The following MEIOSIN variants were observed in gnomAD, a reference collection of about 807,000 sequenced individuals.
The protein encoded by MEIOSIN is meiosis initiator protein.
A neutral mutation model predicts 23.4 loss-of-function variants in MEIOSIN; 18 were observed. The observed-to-expected ratio is 0.77, with a 90% confidence interval of 0.53 to 1.14. The LOEUF (loss-of-function observed/expected upper bound fraction) is 1.14. MEIOSIN is among the 50% of genes most tolerant of loss of function. The probability of loss-of-function intolerance (pLI) is 0.00; values close to 1 mark genes in which losing one functional copy is unlikely to be tolerated. For missense variants in MEIOSIN, 428 were observed against 242.9 expected, an observed-to-expected ratio of 1.76 and a Z score of -5.07; for synonymous variants, 187 against 100.6, an observed-to-expected ratio of 1.86 and a Z score of -5.14.
intron 2 of MEIOSIN, among the ~76,000 whole-genome samples, chr19:45,736,101 G>A (rs758742175): frequency 2.2e-4 from 33 of 151,982 alleles, no homozygotes; most frequent in South Asian, 4.1e-4. Context: ...TGCAGTGGTG[G>A]CATCATAGCT....
In MEIOSIN at chr19:45,739,694, G is replaced by A. The variant is rs1015437558; in HGVS notation, c.140G>A (p.Arg47Lys). Residue 47 changes from arginine to lysine, a missense_variant, in exon 3 of 15, where the codon AGA becomes AAA. Physicochemically the swap from Arg to Lys is conservative, Grantham distance 26 (BLOSUM62 2). Transcript: ENST00000457052. ...KVNPSEPHGL[R>K]MEEKWLLKGK... is the part of the protein sequence containing the mutation. ...AACCCCTCCGAACCACATGGACTGA[G>A]AATGGAGGAGAAATGGTTGCTCAAA... The A allele has an allele frequency of 7.1e-6, 5 of 703,584 alleles. No individual in the cohort carries two copies. In the South Asian group the frequency reaches 7.4e-5, roughly 10 times the overall value. 43.6% of individuals were successfully genotyped at this position (703,584 alleles called of 1,614,324 possible).
chr19:45,759,602 C>T, intron 11 of MEIOSIN, 112 bp downstream of exon 11: 1 of 654,220 alleles, frequency 1.5e-6, no homozygotes. Flanking sequence ...CACCATCTAC[C>T]CATCTGTCCT....
chr19:45,748,100 C>T (rs899659445), intron 4 of MEIOSIN, among the ~76,000 whole-genome samples: 44 of 149,500 alleles, frequency 2.9e-4, no homozygotes, highest in Admixed American at 1.7e-3. Context: ...TTTTTTGAGA[C>T]GGAGTCCCGC....
At chr19:45,754,344 T>C (rs548894008) in intron 6 of MEIOSIN, 135 bp from the exon 7 acceptor site, 2 of 600,650 alleles carry the variant, frequency 3.3e-6, no homozygotes, top group African/African-American at 1.9e-5. Context: ...GGCCTGTGAT[T>C]GAGGATCTGG....
At chr19:45,740,318 A>T (rs1968480023) in intron 3 of MEIOSIN, among the ~76,000 whole-genome samples, 1 of 152,226 alleles carries the variant, frequency 6.6e-6, no homozygotes, top group Admixed American at 6.5e-5. Context: ...CAGCAAGCGG[A>T]GGAACTAGGA....
At position 45,745,047 on chromosome 19, in the gene MEIOSIN, C is replaced by T. The variant is rs1186643555; in HGVS notation, c.177-145C>T. 7.9e-6 allele frequency: 5 copies of T among 631,082 alleles called. No homozygotes were observed. In the East Asian group the frequency reaches 1.4e-4, roughly 17 times the overall value. 39.1% of individuals were successfully genotyped at this position (631,082 alleles called of 1,614,324 possible). On this transcript the variant is annotated intron_variant, in intron 3 of 14. Transcript: ENST00000457052. ...AAGGGCTAAGGGAAAGTAACAAGTA[C>T]GGGTGATGCCTGGGATTCTGTCCTC...
chr19:45,763,779 C>T (rs1423607861), intron 14 of MEIOSIN, among the ~76,000 whole-genome samples, 192 bp from the exon 15 acceptor site: 1 of 152,240 alleles, frequency 6.6e-6, no homozygotes, highest in Non-Finnish European at 1.5e-5. Flanking sequence ...GCCCTGGCTC[C>T]TGACTTTGAA....
At chr19:45,755,909 T>A (rs749734697) in intron 7 of MEIOSIN, 61 bp from the exon 8 acceptor site, 2 of 680,662 alleles carry the variant, frequency 2.9e-6, no homozygotes, top group Non-Finnish European at 2.7e-6. Flanking sequence ...TGTCCCCTGC[T>A]TCTGGGCTTC....
intron 2 of MEIOSIN, among the ~76,000 whole-genome samples, chr19:45,737,345 A>G (rs543093923): frequency 1.3e-5 from 2 of 148,472 alleles, no homozygotes; most frequent in South Asian, 2.1e-4. Flanking sequence ...ACGCCTGGCT[A>G]ATTTTTGTAT....
intron 14 of MEIOSIN, 98 bp downstream of exon 14, chr19:45,763,525 G>A (rs990337985): frequency 2.5e-6 from 1 of 397,938 alleles, no homozygotes; most frequent in Non-Finnish European, 4.4e-6. Flanking sequence ...TCATGGCATG[G>A]GAGACTGGGC....
intron 3 of MEIOSIN, among the ~76,000 whole-genome samples, chr19:45,740,153 C>T (rs772490420): frequency 2.4e-4 from 37 of 152,122 alleles, no homozygotes; most frequent in Non-Finnish European, 3.8e-4. Context: ...CAGCCCCACA[C>T]GCTTTCTTGA....
In MEIOSIN at chr19:45,753,784, A is replaced by T. The variant is rs983780530; in HGVS notation, c.552A>T (p.Ala184=). The change falls in exon 6 of 15, where the codon GCA becomes GCT. Residue 184 remains alanine, a synonymous_variant. Coordinates refer to ENST00000457052, the MANE Select transcript of MEIOSIN (RefSeq NM_001310124.2). ...QKPRKKKLTQ[A]SESQTRTPKP... ...CTCGGAAGAAGAAGCTGACCCAGGC[A>T]TCAGGTACAAGCTGTCACTGGAGGC... The T allele has an allele frequency of 8.5e-6, 6 of 702,176 alleles. No homozygotes were observed. The Admixed American group carries it at 1.2e-4, about 14-fold the overall frequency. The allele number at this position is 702,176 out of a possible 1,614,324, so 43.5% of individuals were successfully genotyped here. A position where few individuals can be genotyped will look rare whatever the true frequency, so the allele number is the denominator to read the frequency against.
At chr19:45,761,468 C>G (rs1177985933) in intron 11 of MEIOSIN, among the ~76,000 whole-genome samples, 3 of 109,186 alleles carry the variant, frequency 2.7e-5, no homozygotes, top group Non-Finnish European at 5.1e-5. Flanking sequence ...CAAGGTCTCT[C>G]TATGTTGCCC....
chr19:45,748,780 T>C (rs530130482), intron 4 of MEIOSIN, among the ~76,000 whole-genome samples: 7 of 152,278 alleles, frequency 4.6e-5, no homozygotes, highest in African/African-American at 1.7e-4. Context: ...TTAAAAAGAC[T>C]GAGGCTGGCT....
intron 5 of MEIOSIN, 106 bp from the exon 6 acceptor site, chr19:45,753,545 G>A (rs1418656679): frequency 1.7e-6 from 1 of 605,738 alleles, no homozygotes; most frequent in Non-Finnish European, 3.0e-6. Flanking sequence ...TCAGCCTGGG[G>A]GCCCACCCTG....
At chr19:45,740,991 C>G (rs542259005) in intron 3 of MEIOSIN, among the ~76,000 whole-genome samples, 3 of 151,944 alleles carry the variant, frequency 2.0e-5, no homozygotes, top group Non-Finnish European at 4.4e-5. Context: ...GGGATATAAC[C>G]AGCGCAGCAT....
chr19:45,754,404 C>G, intron 6 of MEIOSIN, 75 bp from the exon 7 acceptor site: 1 of 638,756 alleles, frequency 1.6e-6, no homozygotes, highest in Non-Finnish European at 2.8e-6. Context: ...AAGGATGTTT[C>G]CCACCTGAAC....
intron 11 of MEIOSIN, among the ~76,000 whole-genome samples, chr19:45,760,631 G>T (rs565815176): frequency 2.1e-5 from 3 of 142,300 alleles, no homozygotes; most frequent in Non-Finnish European, 4.6e-5. Flanking sequence ...AAAAGAAAAA[G>T]AAATTATCAG....
rs1600395241 is a variant in MEIOSIN at position 45,764,351 on chromosome 19, C to T, written c.*233C>T. The stretch of plus-strand genomic sequence containing the variant: ...TCTCCCCCAGGCTTAGGAAGGAAAC[C>T]CAAAATGAAATGCGGGGTGTCGGAA... On this transcript the variant is annotated 3_prime_UTR_variant, in exon 15 of 15. Coordinates refer to ENST00000457052, the MANE Select transcript of MEIOSIN (RefSeq NM_001310124.2). The T allele has an allele frequency of 2.6e-6, 1 of 388,388 alleles. No homozygotes were observed. The highest frequency in any genetic ancestry group is 1.4e-4 in the South Asian group (1 of 6,916). The allele number at this position is 388,388 out of a possible 1,614,324, so 24.1% of individuals were successfully genotyped here.
Sources: allele counts gnomAD v4.1 joint callset (sites outside exome capture counted in the v4.1 genomes callset), GRCh38; gene constraint gnomAD v4.1.1; transcripts MANE v1.5; gene names NCBI Gene and HGNC (gene_info 2026-07-23, HGNC 2026-07-21).